ACER3: variants seen among roughly 807,000 people sequenced by gnomAD.
ACER3 encodes the protein alkCDase 3.
A neutral mutation model predicts 48.9 loss-of-function variants in ACER3; 16 were observed. The ratio of observed to expected loss-of-function variants is 0.33; its 90% CI spans 0.22 to 0.50. The LOEUF (loss-of-function observed/expected upper bound fraction) is 0.50, where lower values mean the gene tolerates loss of function less well. ACER3 is among the 20% of genes least tolerant of loss of function. The pLI is 0.98. For missense variants in ACER3, 227 were observed against 326.0 expected (o/e 0.70, Z 2.34); for synonymous variants, 109 against 107.8 (o/e 1.01, Z -0.07).
rs537124657 is a variant in ACER3 at position 76,944,357 on chromosome 11, T to A, written c.215-14622T>A. Among the ~76,000 whole-genome samples, 3 of 152,310 alleles carry A rather than the reference T, an allele frequency of 2.0e-5. No individual in the cohort carries two copies. In the East Asian group the frequency reaches 5.8e-4, roughly 29 times the overall value. On this transcript the variant is annotated intron_variant, in intron 2 of 10. Transcript: ENST00000532485. ...GGTGGTTATTGACCTTTCGTTTCCA[T>A]GTTTTAGACTCCTTTGAGTATTTCC...
At chr11:76,905,322 C>T (rs1399210797) in intron 1 of ACER3, among the ~76,000 whole-genome samples, 2 of 152,110 alleles carry the variant, frequency 1.3e-5, no homozygotes, top group African/African-American at 2.4e-5. Context: ...ATTGACTCCC[C>T]TCATGTAAAA....
intron 10 of ACER3, 87 bp downstream of exon 10, chr11:77,019,863 G>C: frequency 1.4e-6 from 2 of 1,405,660 alleles, no homozygotes; most frequent in East Asian, 4.6e-5. Context: ...AGGGGAGTTT[G>C]GAGAGGTAGT....
At chr11:76,935,318 T>C (rs1430854338) in intron 2 of ACER3, among the ~76,000 whole-genome samples, 7 of 152,126 alleles carry the variant, frequency 4.6e-5, no homozygotes, top group Non-Finnish European at 1.0e-4. Flanking sequence ...TGGAACATAA[T>C]TATATTTAAA....
intron 1 of ACER3, among the ~76,000 whole-genome samples, chr11:76,919,458 C>G (rs868583682): frequency 2.0e-5 from 3 of 152,100 alleles, no homozygotes; most frequent in Admixed American, 6.6e-5. Flanking sequence ...ATTACTGTAA[C>G]GTCAGTCTTG....
chr11:76,961,077 TTGAG>T (rs1485307025), intron 3 of ACER3, among the ~76,000 whole-genome samples: 8 of 152,162 alleles, frequency 5.3e-5, no homozygotes, highest in African/African-American at 1.9e-4. Context: ...GGAGCCTGAA[TTGAG>T]TGAGAAGGGC....
At chr11:76,983,395 CA>C (rs1948625720) in intron 4 of ACER3, among the ~76,000 whole-genome samples, 1 of 152,124 alleles carries the variant, frequency 6.6e-6, no homozygotes, top group Non-Finnish European at 1.5e-5. Context: ...TGGCTCACTG[CA>C]ATCTCCTCAT....
Position 76,912,274 on chromosome 11 carries a change from G to C in ACER3, c.104-14283G>C, listed in dbSNP as rs978700709. ...CTAGCAACCACCTGAAGCTGAGAGA[G>C]AAGCATGACACAATTTTTCCTTCAG... On this transcript the variant is annotated intron_variant, in intron 1 of 10. Transcript: ENST00000532485. Among the ~76,000 whole-genome samples the C allele has an allele frequency of 2.6e-5, 4 of 152,190 alleles. No homozygotes were observed. In the East Asian group the frequency reaches 7.7e-4, roughly 29 times the overall value.
chr11:76,973,642 C>T (rs1052338169), intron 3 of ACER3, among the ~76,000 whole-genome samples: 2 of 152,204 alleles, frequency 1.3e-5, no homozygotes, highest in Admixed American at 6.5e-5. Context: ...CACAGGCAAG[C>T]AGGCCCTTGC....
rs995445699 is a variant in ACER3 at position 76,872,140 on chromosome 11, C to T, written c.103+11061C>T. Among the ~76,000 whole-genome samples, 3 of 151,022 alleles carry T rather than the reference C, an allele frequency of 2.0e-5. No homozygotes were observed. The South Asian group carries it at 6.3e-4, about 32-fold the overall frequency. The stretch of plus-strand genomic sequence containing the variant: ...CGCGGAGGCTGGAGTGCAGTGGCAC[C>T]ACCTTGGCTCACTGCAACCTCTGCC... On this transcript the variant is annotated intron_variant, in intron 1 of 10. Coordinates refer to ENST00000532485, the MANE Select transcript of ACER3 (RefSeq NM_018367.7).
rs528725184 is a variant in ACER3, at chr11:77,003,127, ATT to A, written c.497+4309_497+4310del. ...GGTTAAAAAGTTAAACTTTATGAAT[ATT>A]TTAACATAATAAAATGTTTACATTA... On this transcript the variant is annotated intron_variant, in intron 7 of 10. Coordinates refer to ENST00000532485, the MANE Select transcript of ACER3 (RefSeq NM_018367.7). Among the ~76,000 whole-genome samples the A allele has an allele frequency of 1.2e-3, 178 of 152,350 alleles. 1 individual carries two copies. Among genetic ancestry groups the A allele is most frequent in the South Asian group, 3.5e-3 (17 of 4,832 alleles).
intron 1 of ACER3, among the ~76,000 whole-genome samples, chr11:76,891,128 T>A (rs1003467463): frequency 2.7e-5 from 4 of 149,630 alleles, no homozygotes; most frequent in African/African-American, 1.0e-4. Flanking sequence ...AAAAAAAAAA[T>A]TATTACATAA....
At chr11:77,005,973 A>G (rs1476350401) in intron 7 of ACER3, among the ~76,000 whole-genome samples, 3 of 95,236 alleles carry the variant, frequency 3.2e-5, no homozygotes, top group Non-Finnish European at 5.8e-5. Context: ...ATATATATAC[A>G]TATATATATA....
chr11:76,864,690 C>A (rs7932066), intron 1 of ACER3, among the ~76,000 whole-genome samples: 4 of 148,126 alleles, frequency 2.7e-5, no homozygotes, highest in South Asian at 2.2e-4. Flanking sequence ...ACCTCCACCC[C>A]CTGGGTTCAA....
At chr11:76,951,441 A>G (rs1453064020) in intron 2 of ACER3, among the ~76,000 whole-genome samples, 1 of 152,182 alleles carries the variant, frequency 6.6e-6, no homozygotes, top group Non-Finnish European at 1.5e-5. Context: ...TTTTCTTTCC[A>G]GTATTTTAAT....
intron 2 of ACER3, among the ~76,000 whole-genome samples, chr11:76,957,059 A>G (rs978240330): frequency 6.6e-6 from 1 of 152,150 alleles, no homozygotes; most frequent in East Asian, 1.9e-4. Flanking sequence ...TCATTCTTGC[A>G]TTCTTGGATT....
intron 4 of ACER3, among the ~76,000 whole-genome samples, chr11:76,977,356 TC>T (rs1166308823): frequency 3.9e-5 from 6 of 152,290 alleles, no homozygotes; most frequent in African/African-American, 1.4e-4. Flanking sequence ...GTGAGACCCT[TC>T]CTGTACTGCA....
intron 1 of ACER3, among the ~76,000 whole-genome samples, chr11:76,895,772 G>A (rs1379702023): frequency 2.6e-5 from 4 of 152,268 alleles, no homozygotes; most frequent in Admixed American, 6.5e-5. Context: ...TAATATTCAC[G>A]AAAGATTTTT....
chr11:76,918,069 T>C (rs1471856879), intron 1 of ACER3, among the ~76,000 whole-genome samples: 1 of 152,162 alleles, frequency 6.6e-6, no homozygotes, highest in Non-Finnish European at 1.5e-5. Flanking sequence ...TGCTAGTTGT[T>C]TACCTGTCTG....
In ACER3 at chr11:76,976,617, A is replaced by G. The variant is rs541607861; in HGVS notation, c.320+276A>G. On this transcript the variant is annotated intron_variant, in intron 4 of 10. Coordinates refer to ENST00000532485, the MANE Select transcript of ACER3 (RefSeq NM_018367.7). Reference sequence around the variant, plus strand: ...TTTCCCAAGTGAATAATGTGTACAAATTTAGATAAAGATTTTCATATTGTG... The same window carrying G: ...TTTCCCAAGTGAATAATGTGTACAAGTTTAGATAAAGATTTTCATATTGTG... 2.6e-5 allele frequency among the ~76,000 whole-genome samples: 4 copies of G among 152,296 alleles called. No individual in the cohort carries two copies. The East Asian group carries it at 7.7e-4, about 29-fold the overall frequency.
Sources: allele counts gnomAD v4.1 joint callset (sites outside exome capture counted in the v4.1 genomes callset), GRCh38; gene constraint gnomAD v4.1.1; transcripts MANE v1.5; gene names NCBI Gene and HGNC (gene_info 2026-07-23, HGNC 2026-07-21).